CBL: variants seen among roughly 807,000 people sequenced by gnomAD.
The protein encoded by CBL is Cbl proto-oncogene.
A neutral mutation model predicts 96.9 loss-of-function variants in CBL; 45 were observed. The observed-to-expected ratio is 0.46, with a 90% CI of 0.37 to 0.60. The LOEUF is 0.60. Among genes scored for constraint, CBL ranks in the 20% least tolerant of loss-of-function variants. The pLI is 0.00. For missense variants in CBL, 1,024 were observed against 1,143.5 expected (o/e 0.90, Z 1.51); for synonymous variants, 420 against 426.8 (o/e 0.98, Z 0.20).
At chr11:119,273,459 C>G (rs1384398375) in intron 3 of CBL, among the ~76,000 whole-genome samples, 2 of 152,196 alleles carry the variant, frequency 1.3e-5, no homozygotes, top group Non-Finnish European at 1.5e-5. Flanking sequence ...AGGTTTCACT[C>G]TGTTGCCCAG....
chr11:119,282,821 G>A (rs566506419), intron 9 of CBL, among the ~76,000 whole-genome samples: 101 of 152,262 alleles, frequency 6.6e-4, no homozygotes, highest in Non-Finnish European at 1.2e-3. Context: ...GGTGGCTCAC[G>A]CCTGTAATGC....
chr11:119,208,425 T>C (rs1446374503), intron 1 of CBL, among the ~76,000 whole-genome samples: 5 of 151,856 alleles, frequency 3.3e-5, no homozygotes, highest in Non-Finnish European at 7.4e-5. Flanking sequence ...TTTTTCGCTC[T>C]TGTTACCCAG....
chr11:119,262,466 A>G (rs1342162156), intron 2 of CBL, among the ~76,000 whole-genome samples: 1 of 152,216 alleles, frequency 6.6e-6, no homozygotes, highest in Non-Finnish European at 1.5e-5. Flanking sequence ...AGATGGTAAC[A>G]TTAGGGGAAA....
chr11:119,210,745 C>T (rs1037862061), intron 1 of CBL, among the ~76,000 whole-genome samples: 7 of 151,600 alleles, frequency 4.6e-5, no homozygotes, highest in Non-Finnish European at 5.9e-5. Flanking sequence ...TGAGCCACCG[C>T]GCCTGGCTCA....
At chr11:119,240,100 T>A (rs1020412524) in intron 2 of CBL, among the ~76,000 whole-genome samples, 3 of 152,064 alleles carry the variant, frequency 2.0e-5, no homozygotes, top group African/African-American at 7.2e-5. Flanking sequence ...GAGACCAGCC[T>A]GGCCAACATA....
intron 2 of CBL, among the ~76,000 whole-genome samples, chr11:119,262,975 G>A (rs1949765597): frequency 6.6e-6 from 1 of 152,204 alleles, no homozygotes. Flanking sequence ...TTGTGACCTT[G>A]CAAATTATTT....
rs1949853302 is a variant in CBL, at chr11:119,272,118, C to CGA, written c.590+237_590+238insGA. 2.6e-5 allele frequency among the ~76,000 whole-genome samples: 4 copies of CGA among 152,210 alleles called. No homozygotes were observed. In the South Asian group the frequency reaches 8.3e-4, roughly 32 times the overall value. On this transcript the variant is annotated intron_variant, in intron 3 of 15. Coordinates refer to ENST00000264033, the MANE Select transcript of CBL (RefSeq NM_005188.4). ...TTTGAATACTCTTCCCTTTCTCTCC[C>CGA]CATCCATTGTGGTTTCTTTTTGAGA...
Position 119,290,820 on chromosome 11 carries a change from C to A in CBL, c.2036+2874C>A, listed in dbSNP as rs528549241. ...CCTCCCAAGTAATTACAGGCACACACCACCATGCCCAGCTAATTTTTTATT... is the reference window on the plus strand; with the variant it reads ...CCTCCCAAGTAATTACAGGCACACAACACCATGCCCAGCTAATTTTTTATT... On this transcript the variant is annotated intron_variant, in intron 12 of 15. Coordinates refer to ENST00000264033, the MANE Select transcript of CBL (RefSeq NM_005188.4). 6.6e-5 allele frequency among the ~76,000 whole-genome samples: 10 copies of A among 151,350 alleles called. No homozygotes were observed. The South Asian group carries it at 2.1e-3, about 32-fold the overall frequency.
intron 2 of CBL, among the ~76,000 whole-genome samples, chr11:119,241,319 G>A (rs762602322): frequency 4.6e-5 from 7 of 152,126 alleles, no homozygotes; most frequent in Non-Finnish European, 7.3e-5. Flanking sequence ...AGTAGAAGCC[G>A]AATGGGATTA....
At position 119,267,163 on chromosome 11, in the gene CBL, T is replaced by C. The variant is rs546983996; in HGVS notation, c.444-4572T>C. Among the ~76,000 whole-genome samples the C allele has an allele frequency of 9.2e-5, 14 of 152,330 alleles. No individual in the cohort carries two copies. The East Asian group carries it at 2.5e-3, about 27-fold the overall frequency. The stretch of plus-strand genomic sequence containing the variant: ...AAATTCATTATTTCCTTTTAAGAAG[T>C]ATGATGCTTACAGTGGATATCTCTG... On this transcript the variant is annotated intron_variant, in intron 2 of 15. Transcript: ENST00000264033.
chr11:119,216,790 C>T (rs1019718516), intron 1 of CBL, among the ~76,000 whole-genome samples: 1 of 152,064 alleles, frequency 6.6e-6, no homozygotes, highest in African/African-American at 2.4e-5. Context: ...CCCCCATACC[C>T]CCAAATAACT....
chr11:119,276,854 G>T (rs1949892938), intron 6 of CBL, among the ~76,000 whole-genome samples: 1 of 152,204 alleles, frequency 6.6e-6, no homozygotes, highest in South Asian at 2.1e-4. Context: ...GATGATCTCA[G>T]TAGCTTAATT....
intron 1 of CBL, among the ~76,000 whole-genome samples, chr11:119,216,384 ATTTT>A (rs1052118466): frequency 7.3e-6 from 1 of 136,092 alleles, no homozygotes; most frequent in Non-Finnish European, 1.6e-5. Flanking sequence ...TTATTTATTT[ATTTT>A]TTGAGATGGA....
Position 119,273,851 on chromosome 11 carries a change from C to G in CBL, c.591-17C>G. 6.2e-7 allele frequency: 1 copy of G among 1,612,050 alleles called. No individual in the cohort carries two copies. The highest frequency in any genetic ancestry group is 8.5e-7 in the Non-Finnish European group (1 of 1,178,222). ...TCTGTTATTTCACTTTATGCCTCCT[C>G]TCCACCCCCTCCCCAGGACAATAGT... On this transcript the variant is annotated splice_polypyrimidine_tract_variant and intron_variant, in intron 3 of 15. Coordinates refer to ENST00000264033, the MANE Select transcript of CBL (RefSeq NM_005188.4).
chr11:119,216,164 G>A (rs907329251), intron 1 of CBL, among the ~76,000 whole-genome samples: 3 of 152,100 alleles, frequency 2.0e-5, no homozygotes, highest in African/African-American at 7.2e-5. Flanking sequence ...CTAGTGAGTC[G>A]TGTGTAACAG....
chr11:119,277,708 C>A, intron 6 of CBL, 49 bp from the exon 7 acceptor site: 1 of 1,228,132 alleles, frequency 8.1e-7, no homozygotes, highest in Non-Finnish European at 1.2e-6. Context: ...TATTAGCAAG[C>A]ACTGGCAAAT....
Position 119,284,492 on chromosome 11 carries a change from T to C in CBL, c.1432-477T>C, listed in dbSNP as rs570004543. On this transcript the variant is annotated intron_variant, in intron 9 of 15. Coordinates refer to ENST00000264033, the MANE Select transcript of CBL (RefSeq NM_005188.4). ...TATTTTATTTTTTGTAGAGATGGGG[T>C]CTCATTATGTTGCCCATACTGGTCT... Among the ~76,000 whole-genome samples the C allele has an allele frequency of 8.1e-4, 123 of 152,006 alleles. 1 individual carries two copies. The South Asian group carries it at 0.025, about 31-fold the overall frequency.
chr11:119,269,451 C>T (rs1176703020), intron 2 of CBL, among the ~76,000 whole-genome samples: 2 of 151,724 alleles, frequency 1.3e-5, no homozygotes, highest in African/African-American at 2.4e-5. Flanking sequence ...GTGATGCATC[C>T]GCCTCGACCT....
intron 1 of CBL, among the ~76,000 whole-genome samples, chr11:119,227,442 A>C (rs752645645): frequency 6.6e-6 from 1 of 152,024 alleles, no homozygotes; most frequent in Non-Finnish European, 1.5e-5. Context: ...TTTTTTCTCT[A>C]ATTTCAACTC....
Sources: gnomAD v4.1 joint callset for allele counts (sites outside exome capture counted in the v4.1 genomes callset) on GRCh38, gnomAD v4.1.1 for gene constraint, MANE v1.5 for transcripts, NCBI Gene and HGNC (gene_info 2026-07-23, HGNC 2026-07-21) for gene names.